The following RORA variants were observed in gnomAD, a reference collection of about 807,000 sequenced individuals.
RORA encodes RAR related orphan receptor A.
In RORA, 7 loss-of-function variants were observed where a neutral mutation model predicts 69.5. The observed-to-expected ratio is 0.10, with a 90% CI of 0.06 to 0.19. The LOEUF (loss-of-function observed/expected upper bound fraction) is 0.19. Among genes scored for constraint, RORA ranks in the 10% least tolerant of loss-of-function variants. RORA has a pLI of 1.00. For synonymous variants in RORA, 261 were observed against 240.8 expected (o/e 1.08, Z -0.78); for missense variants, 457 against 663.0 (o/e 0.69, Z 3.41).
intron 1 of RORA, among the ~76,000 whole-genome samples, chr15:60,749,342 A>G (rs1050844880): frequency 2.0e-5 from 3 of 152,246 alleles, no homozygotes; most frequent in Non-Finnish European, 4.4e-5. Flanking sequence ...TCCAGATTGA[A>G]TTACTGCAAA....
intron 2 of RORA, among the ~76,000 whole-genome samples, chr15:60,597,554 ATATATATATATATATATATAC>A (rs1567115172): frequency 0.027 from 562 of 20,984 alleles, 5 homozygotes; most frequent in Non-Finnish European, 0.029. Context: ...CACACAACAT[ATATATATATATATATATATAC>A]ACATATATAT....
At chr15:60,787,495 C>A (rs767882031) in intron 1 of RORA, among the ~76,000 whole-genome samples, 1 of 152,136 alleles carries the variant, frequency 6.6e-6, no homozygotes, top group Non-Finnish European at 1.5e-5. Flanking sequence ...GGACAGCATA[C>A]GTTAGTGGGC....
At chr15:60,579,822 C>A (rs573690404) in intron 2 of RORA, among the ~76,000 whole-genome samples, 1 of 152,102 alleles carries the variant, frequency 6.6e-6, no homozygotes, top group Non-Finnish European at 1.5e-5. Flanking sequence ...ACATAATCCC[C>A]TATAGTTCTT....
At chr15:60,942,682 C>T (rs1043718169) in intron 1 of RORA, among the ~76,000 whole-genome samples, 1 of 152,304 alleles carries the variant, frequency 6.6e-6, no homozygotes. Context: ...CATATACATA[C>T]AAACATGTTT....
chr15:60,575,865 T>G (rs1290647106), intron 2 of RORA, among the ~76,000 whole-genome samples: 18 of 152,264 alleles, frequency 1.2e-4, no homozygotes, highest in Admixed American at 1.1e-3. Flanking sequence ...TATCTTACAC[T>G]TCTGTTTCCC....
chr15:61,195,979 A>T (rs1343552188), intron 1 of RORA: 4 of 152,244 alleles, frequency 2.6e-5, no homozygotes, highest in Non-Finnish European at 4.4e-5. Context: ...ATCTTGATCA[A>T]TAAGCCTACT....
chr15:60,491,918 A>T lies in RORA; in HGVS notation c.*5537T>A, dbSNP rs139799037. 6.6e-6 allele frequency: 1 copy of T among 152,178 alleles called. No homozygotes were observed. Among genetic ancestry groups the T allele is most frequent in the Non-Finnish European group, 1.5e-5 (1 of 68,018 alleles). 9.4% of individuals were successfully genotyped at this position (152,178 alleles called of 1,614,324 possible). On this transcript the variant is annotated 3_prime_UTR_variant, in exon 11 of 11. Transcript: ENST00000335670. ...CAATAGATCAAGATTTACTGTTGCAATTGCGTTTCTGGGCACATTATTTGA... is the reference window on the plus strand; with the variant it reads ...CAATAGATCAAGATTTACTGTTGCATTTGCGTTTCTGGGCACATTATTTGA...
At chr15:60,593,983 G>A (rs953072675) in intron 2 of RORA, among the ~76,000 whole-genome samples, 3 of 151,910 alleles carry the variant, frequency 2.0e-5, no homozygotes, top group African/African-American at 2.4e-5. Flanking sequence ...TTTATACAGC[G>A]CTCTGATTTA....
At chr15:60,964,612 G>A (rs558821789) in intron 1 of RORA, among the ~76,000 whole-genome samples, 18 of 152,116 alleles carry the variant, frequency 1.2e-4, no homozygotes, top group African/African-American at 3.9e-4. Context: ...GGAGGGCAGT[G>A]CTGCCTTGTG....
At chr15:61,154,556 C>G (rs1246522604) in intron 1 of RORA, among the ~76,000 whole-genome samples, 1 of 152,176 alleles carries the variant, frequency 6.6e-6, no homozygotes, top group East Asian at 1.9e-4. Flanking sequence ...CGTGACCTGT[C>G]ATCCAGATGG....
At chr15:60,988,012 G>C (rs1894260676) in intron 1 of RORA, among the ~76,000 whole-genome samples, 1 of 152,172 alleles carries the variant, frequency 6.6e-6, no homozygotes, top group African/African-American at 2.4e-5. Context: ...GTGGCAGCTT[G>C]GCCTGCTGTC....
Position 61,131,317 on chromosome 15 carries a change from T to C in RORA, c.166+97736A>G, listed in dbSNP as rs1287982394. The stretch of plus-strand genomic sequence containing the variant: ...ATTTATCTGTTAATAAATAAATCCA[T>C]GTTTTAAAAGTTTTGAATTGTCTGT... On this transcript the variant is annotated intron_variant, in intron 1 of 10. Transcript: ENST00000335670. The surrounding 1 kb of genome is among the most constrained non-coding windows in gnomAD (Gnocchi z 4.2). Among the ~76,000 whole-genome samples, 1 of 152,236 alleles carries C rather than the reference T, an allele frequency of 6.6e-6. No homozygotes were observed. The highest frequency in any genetic ancestry group is 1.5e-5 in the Non-Finnish European group (1 of 68,034).
intron 1 of RORA, among the ~76,000 whole-genome samples, chr15:60,871,497 A>T (rs1452863001): frequency 6.6e-6 from 1 of 152,226 alleles, no homozygotes; most frequent in Non-Finnish European, 1.5e-5. Context: ...GACTACCTGT[A>T]ATGCCATTCA....
In RORA at chr15:60,936,278, C is replaced by G. The variant is rs142049105; in HGVS notation, c.167-257592G>C. 6.4e-3 allele frequency among the ~76,000 whole-genome samples: 971 copies of G among 152,346 alleles called. 8 individuals are homozygous for G. Among genetic ancestry groups the G allele is most frequent in the African/African-American group, 0.021 (867 of 41,572 alleles). ...CTCCTTACAGTCTTCTGTCTATCTA[C>G]TCACAGCAGCCATCTCTTAGATTGA... is the stretch of plus-strand genomic sequence containing the variant. On this transcript the variant is annotated intron_variant, in intron 1 of 10. Coordinates refer to ENST00000335670, the MANE Select transcript of RORA (RefSeq NM_134261.3).
chr15:60,566,334 A>C (rs1364711602), intron 2 of RORA, among the ~76,000 whole-genome samples: 1 of 152,234 alleles, frequency 6.6e-6, no homozygotes, highest in Non-Finnish European at 1.5e-5. Flanking sequence ...TGTTTCAAAA[A>C]ATAATTCCCT....
chr15:60,861,051 T>C (rs1175463188), intron 1 of RORA, among the ~76,000 whole-genome samples: 1 of 152,200 alleles, frequency 6.6e-6, no homozygotes, highest in Non-Finnish European at 1.5e-5. Context: ...TCCTTGACCA[T>C]CATGCTCCAG....
intron 2 of RORA, among the ~76,000 whole-genome samples, chr15:60,590,175 A>ATCTCTCTCCCTCTCTCTCTC (rs2068456531): frequency 6.8e-6 from 1 of 146,712 alleles, no homozygotes; most frequent in African/African-American, 2.6e-5. Flanking sequence ...CTCTTCCTCT[A>ATCTCTCTCCCTCTCTCTCTC]TCTCTCTCTC....
At chr15:60,673,251 G>T (rs893297941) in intron 2 of RORA, among the ~76,000 whole-genome samples, 1 of 152,188 alleles carries the variant, frequency 6.6e-6, no homozygotes. Context: ...ACAGGTCCTC[G>T]CCATGAACTG....
intron 1 of RORA, among the ~76,000 whole-genome samples, chr15:61,037,467 C>A (rs1896515821): frequency 6.6e-6 from 1 of 152,148 alleles, no homozygotes; most frequent in Admixed American, 6.5e-5. Context: ...TCCTGTAGCA[C>A]AATATATCCT....
Sources: gnomAD v4.1 joint callset for allele counts (sites outside exome capture counted in the v4.1 genomes callset) on GRCh38, gnomAD v4.1.1 for gene constraint, Gnocchi (gnomAD v3.1) non-coding constraint, MANE v1.5 for transcripts, NCBI Gene and HGNC (gene_info 2026-07-23, HGNC 2026-07-21) for gene names.